The following LRP2 variants were observed in gnomAD, a reference collection of about 807,000 sequenced individuals.
LRP2 encodes the protein LDL receptor related protein 2.
In LRP2, 172 loss-of-function variants were observed where a neutral mutation model predicts 531.0. The ratio of observed to expected loss-of-function variants is 0.32; its 90% CI spans 0.29 to 0.37. The LOEUF (loss-of-function observed/expected upper bound fraction) is 0.37, where lower values mean the gene tolerates loss of function less well. Ranked by LOEUF, LRP2 falls within the 10% of genes least tolerant of loss-of-function variation. The probability of loss-of-function intolerance (pLI) is 1.00; values close to 1 mark genes in which losing one functional copy is unlikely to be tolerated. For synonymous variants in LRP2, 1,992 were observed against 2,027.6 expected, an observed-to-expected ratio of 0.98 and a Z score of 0.47; for missense variants, 5,167 against 5,868.3, an observed-to-expected ratio of 0.88 and a Z score of 3.90.
In LRP2 at chr2:169,313,003, G is replaced by GTGCCGAA. The variant is rs1287750896; in HGVS notation, c.311-5607_311-5606insTTCGGCA. Among the ~76,000 whole-genome samples, 5 of 152,240 alleles carry GTGCCGAA rather than the reference G, an allele frequency of 3.3e-5. No individual in the cohort carries two copies. In the East Asian group the frequency reaches 9.7e-4, roughly 29 times the overall value. ...ATTCCAGTTGATCGAAACGGCTATT[G>GTGCCGAA]ACGCTTGTGCATGCATCACGTAGTT... is the stretch of plus-strand genomic sequence containing the variant. On this transcript the variant is annotated intron_variant, in intron 3 of 78. Transcript: ENST00000649046.
intron 62 of LRP2, among the ~76,000 whole-genome samples, chr2:169,164,783 C>G (rs984435842): frequency 1.3e-5 from 2 of 152,096 alleles, no homozygotes; most frequent in Non-Finnish European, 2.9e-5. Context: ...AAACCCTGTT[C>G]CTTGAAAAGA....
chr2:169,131,758 A>T (rs558297816), intron 77 of LRP2, among the ~76,000 whole-genome samples: 140 of 152,324 alleles, frequency 9.2e-4, no homozygotes, highest in African/African-American at 3.1e-3. Flanking sequence ...TGTCCCACTC[A>T]ATATGCCAAT....
chr2:169,327,234 G>T (rs1444992363), intron 1 of LRP2, among the ~76,000 whole-genome samples: 1 of 122,818 alleles, frequency 8.1e-6, no homozygotes, highest in Non-Finnish European at 1.7e-5. Flanking sequence ...AGGGAGGTGG[G>T]GGGGTCAGCC....
In LRP2 at chr2:169,204,038, T is replaced by G; in HGVS notation, c.7949A>C (p.Gln2650Pro). ...AAACTGTTCACAAGGATTGTTACAC[T>G]GTTGTTTCTGGTTCTTCACAACAGT... The part of the protein sequence containing the change: ...INTVVKNQKQ[Q>P]CNNPCEQFNG... The change falls in exon 42 of 79, where the codon CAG becomes CCG. Residue 2650 changes from glutamine (Q) to proline (P), a missense_variant. Coordinates refer to ENST00000649046, the MANE Select transcript of LRP2 (RefSeq NM_004525.3). 1 of 1,614,248 alleles carries G rather than the reference T, an allele frequency of 6.2e-7. No individual in the cohort carries two copies. The highest frequency in any genetic ancestry group is 8.5e-7 in the Non-Finnish European group (1 of 1,180,034).
intron 31 of LRP2, 137 bp downstream of exon 31, chr2:169,231,577 A>G: frequency 9.4e-7 from 1 of 1,062,570 alleles, no homozygotes; most frequent in Middle Eastern, 3.0e-4. Context: ...CCCATACAAC[A>G]CACATCATTC....
chr2:169,158,239 A>C (rs1203843875), intron 63 of LRP2, among the ~76,000 whole-genome samples: 1 of 152,046 alleles, frequency 6.6e-6, no homozygotes, highest in Non-Finnish European at 1.5e-5. Context: ...AAGGACTTTA[A>C]AAATATTCAT....
At chr2:169,165,128 G>A (rs751779587) in intron 62 of LRP2, among the ~76,000 whole-genome samples, 4 of 152,152 alleles carry the variant, frequency 2.6e-5, no homozygotes, top group African/African-American at 4.8e-5. Context: ...GCATTCTGTG[G>A]CAAAGCGTTC....
Position 169,194,124 on chromosome 2 carries a change from T to C in LRP2, c.8699-232A>G, listed in dbSNP as rs142111741. 1.4e-3 allele frequency among the ~76,000 whole-genome samples: 211 copies of C among 152,322 alleles called. 1 individual carries two copies. The highest frequency in any genetic ancestry group is 4.6e-3 in the African/African-American group (190 of 41,576). ...ATTATCTTTGGTGACTAAAATGAGA[T>C]ACAATATTCCCTTATGTGTATGGTA... On this transcript the variant is annotated intron_variant, in intron 46 of 78. Transcript: ENST00000649046.
At chr2:169,159,986 T>C (rs1203966008) in intron 63 of LRP2, among the ~76,000 whole-genome samples, 2 of 152,238 alleles carry the variant, frequency 1.3e-5, no homozygotes, top group African/African-American at 4.8e-5. Context: ...AGGGCTTTCT[T>C]ATCATTGTTT....
At chr2:169,130,598 T>C (rs1685249977) in intron 77 of LRP2, among the ~76,000 whole-genome samples, 1 of 152,202 alleles carries the variant, frequency 6.6e-6, no homozygotes, top group African/African-American at 2.4e-5. Flanking sequence ...TGTTTTTAAT[T>C]GTTAGTCTTT....
chr2:169,311,310 T>A (rs1212170499), intron 3 of LRP2, among the ~76,000 whole-genome samples: 1 of 152,228 alleles, frequency 6.6e-6, no homozygotes, highest in African/African-American at 2.4e-5. Context: ...CAATTTTAGA[T>A]CTTTCCTGCT....
At chr2:169,360,866 T>A (rs1278084019) in intron 1 of LRP2, among the ~76,000 whole-genome samples, 1 of 152,202 alleles carries the variant, frequency 6.6e-6, no homozygotes, top group African/African-American at 2.4e-5. Flanking sequence ...TATAATTACT[T>A]ACTTGATTCC....
chr2:169,184,735 G>A (rs1277098215), intron 50 of LRP2, among the ~76,000 whole-genome samples: 2 of 150,690 alleles, frequency 1.3e-5, no homozygotes, highest in Non-Finnish European at 2.9e-5. Context: ...TGCTGGGAAT[G>A]ACTAGTATTG....
intron 52 of LRP2, among the ~76,000 whole-genome samples, chr2:169,178,906 G>A (rs1687316126): frequency 6.6e-6 from 1 of 152,130 alleles, no homozygotes; most frequent in African/African-American, 2.4e-5. Context: ...ACTTATAAAA[G>A]TCATAGGAAA....
At chr2:169,273,708 A>G (rs774629848) in intron 14 of LRP2, among the ~76,000 whole-genome samples, 1 of 152,314 alleles carries the variant, frequency 6.6e-6, no homozygotes, top group South Asian at 2.1e-4. Flanking sequence ...TAGAAATTTT[A>G]TATCTGCTTT....
intron 1 of LRP2, among the ~76,000 whole-genome samples, chr2:169,321,120 T>C (rs967750785): frequency 2.6e-5 from 4 of 152,188 alleles, no homozygotes; most frequent in Non-Finnish European, 5.9e-5. Flanking sequence ...ATGGAACTCA[T>C]TGGGAAAGCA....
chr2:169,307,307 G>A lies in LRP2; in HGVS notation c.401C>T (p.Pro134Leu), dbSNP rs1486362513. The stretch of plus-strand genomic sequence containing the variant: ...GCAGTCATTCTCATCAGCTCCATCG[G>A]GGCAGTCTCTGACGTGGTCGCACCT... ...EYRCDHVRDC[P>L]DGADENDCQY... is the part of the protein sequence containing the mutation. Residue 134 changes from proline to leucine, a missense_variant, in exon 4 of 79, where the codon CCC (proline) becomes CTC (leucine). Physicochemically the swap from Pro to Leu is moderately conservative, Grantham distance 98. This residue lies in a region of LRP2 where 2,811 missense variants were observed against 3,058.0 expected (regional missense o/e 0.92). Transcript: ENST00000649046. 1.2e-6 allele frequency: 2 copies of A among 1,613,462 alleles called. No homozygotes were observed. Among genetic ancestry groups the A allele is most frequent in the Non-Finnish European group, 1.7e-6 (2 of 1,179,432 alleles).
intron 75 of LRP2, among the ~76,000 whole-genome samples, chr2:169,137,764 C>G (rs1440546280): frequency 6.6e-6 from 1 of 151,488 alleles, no homozygotes; most frequent in East Asian, 1.9e-4. Flanking sequence ...TAACATTCTT[C>G]TTATATCCAA....
At chr2:169,337,264 A>G (rs1685431924) in intron 1 of LRP2, among the ~76,000 whole-genome samples, 1 of 152,224 alleles carries the variant, frequency 6.6e-6, no homozygotes, top group African/African-American at 2.4e-5. Flanking sequence ...TAATTGTGGC[A>G]TTTTAGGCAT....
Sources: allele counts gnomAD v4.1 joint callset (sites outside exome capture counted in the v4.1 genomes callset), GRCh38; gene constraint gnomAD v4.1.1; regional missense constraint gnomAD v4.1.1; transcripts MANE v1.5; gene names NCBI Gene and HGNC (gene_info 2026-07-23, HGNC 2026-07-21).